The following EPB41 variants were observed in gnomAD, a reference collection of about 807,000 sequenced individuals.
EPB41 encodes protein 4.1.
In EPB41, 65 loss-of-function variants were observed where a neutral mutation model predicts 108.0. The observed-to-expected ratio is 0.60, with a 90% CI of 0.49 to 0.74. The LOEUF is 0.74. Ranked by LOEUF, EPB41 falls within the 30% of genes least tolerant of loss-of-function variation. EPB41 has a pLI of 0.00. For synonymous variants in EPB41, 336 were observed against 358.9 expected (o/e 0.94, Z 0.72); for missense variants, 875 against 1,037.0 (o/e 0.84, Z 2.15).
intron 1 of EPB41, among the ~76,000 whole-genome samples, chr1:28,965,283 C>T (rs532550702): frequency 6.6e-6 from 1 of 152,000 alleles, no homozygotes; most frequent in South Asian, 2.1e-4. Flanking sequence ...TTTTTTTGAT[C>T]TTGTAATTCT....
chr1:28,943,643 C>T (rs1248987853), intron 1 of EPB41, among the ~76,000 whole-genome samples: 2 of 151,226 alleles, frequency 1.3e-5, no homozygotes, highest in African/African-American at 2.4e-5. Context: ...AGTGAGACTC[C>T]GTTTCAGGAA....
chr1:29,091,897 G>T (rs1661322568), intron 16 of EPB41, among the ~76,000 whole-genome samples: 1 of 152,108 alleles, frequency 6.6e-6, no homozygotes, highest in Admixed American at 6.6e-5. Flanking sequence ...AAGCTGGCCT[G>T]AAGTTCCTGT....
chr1:28,997,166 TAAAAG>T (rs745518328), intron 3 of EPB41, 44 bp from the exon 4 acceptor site: 9 of 1,381,134 alleles, frequency 6.5e-6, no homozygotes, highest in East Asian at 2.3e-5. Flanking sequence ...GGGGAAAAAA[TAAAAG>T]AAGAAGAAAC....
At chr1:28,939,798 C>A (rs1158041928) in intron 1 of EPB41, among the ~76,000 whole-genome samples, 1 of 152,178 alleles carries the variant, frequency 6.6e-6, no homozygotes, top group East Asian at 1.9e-4. Context: ...TCAGAATGCC[C>A]TAGTATCAGT....
rs140991410 is a variant in EPB41 at position 28,966,294 on chromosome 1, C to G, written c.-7-21137C>G. ...TGTAAGTAAGCATTTTGTATTCCTT[C>G]TTGGGTATATCTAGATTCTGTTGAT... On this transcript the variant is annotated intron_variant, in intron 1 of 20. Coordinates refer to ENST00000343067, the MANE Select transcript of EPB41 (RefSeq NM_001376013.1). Among the ~76,000 whole-genome samples the G allele has an allele frequency of 1.1e-4, 16 of 152,206 alleles. 1 individual carries two copies. The East Asian group carries it at 2.9e-3, about 28-fold the overall frequency.
At chr1:29,054,664 A>T (rs368783075) in intron 12 of EPB41, 9 of 152,286 alleles carry the variant, frequency 5.9e-5, no homozygotes, top group African/African-American at 1.4e-4. Context: ...AGCTTTGGCA[A>T]AATGGTGAAA....
At chr1:29,102,662 A>G (rs558471161) in intron 17 of EPB41, among the ~76,000 whole-genome samples, 1 of 152,192 alleles carries the variant, frequency 6.6e-6, no homozygotes, top group Non-Finnish European at 1.5e-5. Flanking sequence ...ATCTCAGCTC[A>G]CTGCAACCTC....
At chr1:29,029,453 G>A (rs1478474687) in intron 7 of EPB41, among the ~76,000 whole-genome samples, 1 of 152,196 alleles carries the variant, frequency 6.6e-6, no homozygotes, top group African/African-American at 2.4e-5. Flanking sequence ...TTTTCCTTGT[G>A]AAATGAAGAG....
intron 2 of EPB41, among the ~76,000 whole-genome samples, chr1:28,992,041 A>G (rs1350461711): frequency 6.6e-6 from 1 of 152,228 alleles, no homozygotes; most frequent in Non-Finnish European, 1.5e-5. Context: ...AAGACAAAAA[A>G]GTAGCAAATA....
chr1:29,047,910 A>G (rs1021388978), intron 11 of EPB41, among the ~76,000 whole-genome samples: 12 of 151,746 alleles, frequency 7.9e-5, no homozygotes, highest in Non-Finnish European at 1.6e-4. Flanking sequence ...CAGCCTCCCA[A>G]GTAGCTGGGA....
chr1:29,054,535 TTAAAAAA>T (rs1645028403), intron 12 of EPB41: 1 of 84,074 alleles, frequency 1.2e-5, no homozygotes, highest in African/African-American at 3.7e-5. Context: ...TTTGATTATA[TTAAAAAA>T]AAAAAAAAAA....
At chr1:29,041,147 T>TAAATAAA (rs370795631) in intron 11 of EPB41, 1 of 141,262 alleles carries the variant, frequency 7.1e-6, no homozygotes, top group African/African-American at 2.6e-5. Context: ...AATAAATAAA[T>TAAATAAA]TAAATAAATA....
intron 11 of EPB41, among the ~76,000 whole-genome samples, chr1:29,050,345 A>G (rs1644277927): frequency 6.6e-6 from 1 of 152,276 alleles, no homozygotes; most frequent in Non-Finnish European, 1.5e-5. Context: ...TTGGCTCTGC[A>G]GTATTAGTAC....
At chr1:28,889,786 C>G (rs771869616) in intron 1 of EPB41, 6 of 985,246 alleles carry the variant, frequency 6.1e-6, no homozygotes, top group Non-Finnish European at 6.0e-6. Context: ...GGAACCAAAC[C>G]GAGCTTCATT....
At chr1:29,025,278 A>G (rs2788889) in intron 7 of EPB41, among the ~76,000 whole-genome samples, 118,875 of 151,908 alleles carry the variant, frequency 0.78, 47,059 homozygotes, top group East Asian at 0.92. Context: ...ATTAAAAGGG[A>G]GTCACATAAC....
At chr1:28,912,219 C>G (rs2092295110), upstream of EPB41, among the ~76,000 whole-genome samples, 1 of 152,196 alleles carries the variant, frequency 6.6e-6, no homozygotes, top group East Asian at 1.9e-4. Flanking sequence ...CAGTCCCTGC[C>G]TTCCTGAGCT....
At chr1:29,074,778 G>A (rs1653130523) in intron 16 of EPB41, among the ~76,000 whole-genome samples, 1 of 152,316 alleles carries the variant, frequency 6.6e-6, no homozygotes, top group Admixed American at 6.5e-5. Flanking sequence ...TATCAGAAAT[G>A]CAGGCTAAAA....
intron 1 of EPB41, among the ~76,000 whole-genome samples, chr1:28,959,376 C>T (rs1322342322): frequency 3.9e-5 from 6 of 151,990 alleles, no homozygotes; most frequent in Non-Finnish European, 7.4e-5. Flanking sequence ...GCCACTACGC[C>T]TGGCTAATTT....
chr1:28,962,076 T>C (rs921970170), intron 1 of EPB41, among the ~76,000 whole-genome samples: 3 of 152,184 alleles, frequency 2.0e-5, no homozygotes, highest in Non-Finnish European at 1.5e-5. Context: ...CTTTTTTTTT[T>C]TGAGATGGAG....
Sources: allele counts gnomAD v4.1 joint callset (sites outside exome capture counted in the v4.1 genomes callset), GRCh38; gene constraint gnomAD v4.1.1; transcripts MANE v1.5; gene names NCBI Gene and HGNC (gene_info 2026-07-23, HGNC 2026-07-21).